Variants in PLEKHA5 observed in about 807,000 individuals in gnomAD.
PLEKHA5 encodes pleckstrin homology domain containing A5.
In PLEKHA5, 55 loss-of-function variants were observed where a neutral mutation model predicts 181.9. That is an observed-to-expected ratio of 0.30 (90% CI 0.24 to 0.38). The LOEUF (loss-of-function observed/expected upper bound fraction) is 0.38. PLEKHA5 is among the 10% of genes least tolerant of loss of function. The pLI is 1.00. For missense variants in PLEKHA5, 1,432 were observed against 1,549.5 expected, an observed-to-expected ratio of 0.92 and a Z score of 1.27; for synonymous variants, 535 against 529.4, an observed-to-expected ratio of 1.01 and a Z score of -0.15.
chr12:19,144,733 C>G (rs932966257), intron 3 of PLEKHA5, among the ~76,000 whole-genome samples: 1 of 152,154 alleles, frequency 6.6e-6, no homozygotes, highest in Non-Finnish European at 1.5e-5. Flanking sequence ...TTGTGATAAG[C>G]TAGTGATGTA....
chr12:19,294,608 T>A (rs547776404), intron 15 of PLEKHA5, among the ~76,000 whole-genome samples: 216 of 152,118 alleles, frequency 1.4e-3, no homozygotes, highest in Non-Finnish European at 1.9e-3. Flanking sequence ...CTCCTGCCCC[T>A]TGTGAGGTAT....
intron 3 of PLEKHA5, among the ~76,000 whole-genome samples, chr12:19,136,574 G>A (rs2035728595): frequency 6.6e-6 from 1 of 152,122 alleles, no homozygotes; most frequent in Non-Finnish European, 1.5e-5. Context: ...TAAAATGGAT[G>A]TGTCATTTAC....
intron 3 of PLEKHA5, among the ~76,000 whole-genome samples, chr12:19,190,267 G>T (rs2050790217): frequency 6.6e-6 from 1 of 152,196 alleles, no homozygotes; most frequent in Non-Finnish European, 1.5e-5. Context: ...CTTCCTTATG[G>T]ATAATAATGC....
At chr12:19,156,883 AAC>A (rs2041856018) in intron 3 of PLEKHA5, among the ~76,000 whole-genome samples, 1 of 118,736 alleles carries the variant, frequency 8.4e-6, no homozygotes, top group Non-Finnish European at 1.9e-5. Flanking sequence ...AATCTCTACT[AAC>A]AAAAAATACC....
intron 3 of PLEKHA5, among the ~76,000 whole-genome samples, chr12:19,231,312 G>C (rs1446727239): frequency 1.4e-4 from 22 of 151,884 alleles, no homozygotes; most frequent in Admixed American, 1.4e-3. Flanking sequence ...AATAGATATT[G>C]TTAGTAAATC....
intron 25 of PLEKHA5, among the ~76,000 whole-genome samples, chr12:19,349,259 G>A (rs981503887): frequency 3.3e-5 from 5 of 151,874 alleles, no homozygotes; most frequent in African/African-American, 9.7e-5. Context: ...GGGACTACAG[G>A]CACACACCAC....
At chr12:19,368,984 C>A (rs1436375459) in intron 30 of PLEKHA5, among the ~76,000 whole-genome samples, 2 of 151,436 alleles carry the variant, frequency 1.3e-5, no homozygotes, top group Non-Finnish European at 2.9e-5. Context: ...AAATTAACCT[C>A]AAAGCAGAAA....
chr12:19,187,159 T>C (rs779493809), intron 3 of PLEKHA5, among the ~76,000 whole-genome samples: 1 of 152,166 alleles, frequency 6.6e-6, no homozygotes, highest in Non-Finnish European at 1.5e-5. Context: ...CAAATGAAGT[T>C]CCAAAAGCCC....
chr12:19,351,840 G>A (rs532895438), intron 25 of PLEKHA5, among the ~76,000 whole-genome samples: 2 of 152,188 alleles, frequency 1.3e-5, no homozygotes, highest in South Asian at 2.1e-4. Context: ...TTGGGAGGCC[G>A]AGACAGGCAG....
At chr12:19,152,219 C>G (rs1259102586) in intron 3 of PLEKHA5, 1 of 152,102 alleles carries the variant, frequency 6.6e-6, no homozygotes, top group Non-Finnish European at 1.5e-5. Flanking sequence ...AATATTTAAT[C>G]TTTTTTGCTG....
chr12:19,203,795 C>T (rs917408019), intron 3 of PLEKHA5, among the ~76,000 whole-genome samples: 1 of 152,040 alleles, frequency 6.6e-6, no homozygotes, highest in African/African-American at 2.4e-5. Flanking sequence ...TTGCAGCGTA[C>T]CGTGACTCAT....
chr12:19,136,883 C>T (rs1000701923), intron 3 of PLEKHA5, among the ~76,000 whole-genome samples: 5 of 151,818 alleles, frequency 3.3e-5, no homozygotes, highest in African/African-American at 1.2e-4. Flanking sequence ...TATGCTAATT[C>T]CAAACTTACC....
chr12:19,253,917 T>C, intron 3 of PLEKHA5, 23 bp from the exon 4 acceptor site: 1 of 1,379,042 alleles, frequency 7.3e-7, no homozygotes, highest in Non-Finnish European at 1.0e-6. Context: ...GCATGTTCTG[T>C]TTTTCTTTTT....
At chr12:19,291,618 C>CT in intron 14 of PLEKHA5, 26 bp from the exon 15 acceptor site, 1 of 1,411,320 alleles carries the variant, frequency 7.1e-7, no homozygotes, top group Non-Finnish European at 9.6e-7. Flanking sequence ...TTCTCTGTCC[C>CT]TTTTTTCTTA....
chr12:19,351,297 G>A (rs1475889484), intron 25 of PLEKHA5, among the ~76,000 whole-genome samples: 1 of 152,138 alleles, frequency 6.6e-6, no homozygotes, highest in Non-Finnish European at 1.5e-5. Context: ...AGCACTTTGG[G>A]AGGCCGAAGC....
At chr12:19,262,454 G>T (rs1232370800) in intron 7 of PLEKHA5, among the ~76,000 whole-genome samples, 1 of 152,042 alleles carries the variant, frequency 6.6e-6, no homozygotes, top group Non-Finnish European at 1.5e-5. Context: ...GTCCAGGCTG[G>T]TCTCAAACTC....
intron 8 of PLEKHA5, among the ~76,000 whole-genome samples, chr12:19,267,527 G>A (rs2070890059): frequency 6.6e-6 from 1 of 151,934 alleles, no homozygotes; most frequent in Admixed American, 6.6e-5. Context: ...AGACATTGTG[G>A]TGCTTGCCTA....
intron 3 of PLEKHA5, among the ~76,000 whole-genome samples, chr12:19,238,134 C>G (rs1367605842): frequency 6.6e-6 from 1 of 151,862 alleles, no homozygotes; most frequent in Non-Finnish European, 1.5e-5. Flanking sequence ...TTGTGCTACT[C>G]TAGTTTTTTG....
intron 3 of PLEKHA5, among the ~76,000 whole-genome samples, chr12:19,194,060 T>C (rs1298770788): frequency 3.9e-5 from 6 of 152,044 alleles, no homozygotes; most frequent in South Asian, 2.1e-4. Flanking sequence ...ACCTCCAACA[T>C]TGGGGATTGC....
Sources: gnomAD v4.1 joint callset for allele counts (sites outside exome capture counted in the v4.1 genomes callset) on GRCh38, gnomAD v4.1.1 for gene constraint, MANE v1.5 for transcripts, NCBI Gene and HGNC (gene_info 2026-07-23, HGNC 2026-07-21) for gene names.